Variants in DHDH observed in about 807,000 individuals in gnomAD.
DHDH encodes dihydrodiol dehydrogenase.
In DHDH, 29 loss-of-function variants were observed where a neutral mutation model predicts 33.2. The ratio of observed to expected loss-of-function variants is 0.87; its 90% CI spans 0.65 to 1.19. DHDH has a LOEUF of 1.19. DHDH is among the 50% of genes most tolerant of loss of function. DHDH has a pLI of 0.00. For synonymous variants in DHDH, 201 were observed against 187.9 expected, an observed-to-expected ratio of 1.07 and a Z score of -0.57; for missense variants, 431 against 455.0, an observed-to-expected ratio of 0.95 and a Z score of 0.48.
chr19:48,936,135 C>G lies in DHDH; in HGVS notation c.306C>G (p.Asn102Lys), dbSNP rs1353640002. Residue 102 changes from asparagine (N) to lysine (K), a missense_variant, in exon 3 of 7, where the codon AAC becomes AAG. Coordinates refer to ENST00000221403, the MANE Select transcript of DHDH (RefSeq NM_014475.4). The part of the protein sequence containing the change: ...AVLCEKPTGV[N>K]AAEVREMVAE... ...TGTGCGAGAAGCCCACGGGCGTGAA[C>G]GCGGCGGAAGTTCGCGAGATGGTCG... 6.2e-7 allele frequency: 1 copy of G among 1,610,100 alleles called. No individual in the cohort carries two copies. Among genetic ancestry groups the G allele is most frequent in the African/African-American group, 1.3e-5 (1 of 75,034 alleles).
At chr19:48,935,510 G>C (rs2037759286) in intron 2 of DHDH, among the ~76,000 whole-genome samples, 2 of 149,442 alleles carry the variant, frequency 1.3e-5, no homozygotes, top group Non-Finnish European at 3.0e-5. Flanking sequence ...GACAGAGTGA[G>C]ACTTGGTCTT....
chr19:48,942,145 C>T (rs1257044870), intron 4 of DHDH, among the ~76,000 whole-genome samples: 1 of 151,952 alleles, frequency 6.6e-6, no homozygotes, highest in African/African-American at 2.4e-5. Context: ...GTAGCTGGGA[C>T]GACAGGACTA....
chr19:48,933,645 C>T, upstream of DHDH: 2 of 1,432,472 alleles, frequency 1.4e-6, no homozygotes, highest in Non-Finnish European at 2.0e-6. Context: ...GGGACCCGCC[C>T]CCGGGGTGGG....
chr19:48,941,870 A>G (rs542799630), intron 4 of DHDH, among the ~76,000 whole-genome samples: 6 of 150,220 alleles, frequency 4.0e-5, no homozygotes, highest in African/African-American at 1.5e-4. Flanking sequence ...ACAAGGTCTC[A>G]CTATGTTGCC....
At chr19:48,933,642 GC>G, upstream of DHDH, 2 of 1,396,136 alleles carry the variant, frequency 1.4e-6, no homozygotes. Context: ...ATGGGGACCC[GC>G]CCCCGGGGTG....
intron 4 of DHDH, among the ~76,000 whole-genome samples, chr19:48,940,699 CA>C (rs146253861): frequency 7.1e-4 from 108 of 151,888 alleles, no homozygotes; most frequent in African/African-American, 2.5e-3. Flanking sequence ...ACGAAAAGTG[CA>C]AAAAAAATTA....
intron 3 of DHDH, among the ~76,000 whole-genome samples, chr19:48,939,125 G>A (rs1428560377): frequency 6.6e-6 from 1 of 151,944 alleles, no homozygotes; most frequent in East Asian, 1.9e-4. Flanking sequence ...GGGGAGACTG[G>A]GGCAATGGTC....
At chr19:48,941,387 T>A (rs1051435406) in intron 4 of DHDH, among the ~76,000 whole-genome samples, 3 of 152,004 alleles carry the variant, frequency 2.0e-5, no homozygotes, top group Non-Finnish European at 4.4e-5. Flanking sequence ...AGACTGTAAT[T>A]TTTGTTTTTT....
chr19:48,944,149 T>C (rs887487435), intron 5 of DHDH, among the ~76,000 whole-genome samples: 9 of 152,056 alleles, frequency 5.9e-5, no homozygotes, highest in Admixed American at 3.3e-4. Context: ...ACAGACAGGA[T>C]TTTTGTGTCA....
chr19:48,935,945 T>G, intron 2 of DHDH, 87 bp from the exon 3 acceptor site: 1 of 1,520,712 alleles, frequency 6.6e-7, no homozygotes, highest in Non-Finnish European at 8.9e-7. Context: ...GGTCCCTGGG[T>G]GCTAGGGCGG....
chr19:48,937,801 A>G (rs1341685029), intron 3 of DHDH, among the ~76,000 whole-genome samples: 1 of 134,718 alleles, frequency 7.4e-6, no homozygotes, highest in Non-Finnish European at 1.5e-5. Context: ...GACAAGAGCG[A>G]GACTGTCTTT....
At chr19:48,939,977 G>C (rs992688467) in intron 4 of DHDH, among the ~76,000 whole-genome samples, 1 of 152,156 alleles carries the variant, frequency 6.6e-6, no homozygotes, top group African/African-American at 2.4e-5. Context: ...AGTTAATGAA[G>C]TAACTGCTGA....
At chr19:48,937,505 G>C (rs950188598) in intron 3 of DHDH, among the ~76,000 whole-genome samples, 1 of 151,426 alleles carries the variant, frequency 6.6e-6, no homozygotes, top group Non-Finnish European at 1.5e-5. Flanking sequence ...GCGAAACTCC[G>C]TCTCTACTAA....
At chr19:48,935,642 C>T (rs2037761229) in intron 2 of DHDH, among the ~76,000 whole-genome samples, 1 of 151,704 alleles carries the variant, frequency 6.6e-6, no homozygotes, top group African/African-American at 2.4e-5. Flanking sequence ...ACGGTGAAAC[C>T]GCATCTCCAC....
intron 4 of DHDH, among the ~76,000 whole-genome samples, 195 bp downstream of exon 4, chr19:48,939,896 G>A (rs1021943493): frequency 6.6e-6 from 1 of 152,148 alleles, no homozygotes; most frequent in Non-Finnish European, 1.5e-5. Context: ...TGTGATCTTA[G>A]CCAGCAGACT....
chr19:48,942,594 A>T (rs1408037893), intron 5 of DHDH, 30 bp downstream of exon 5: 16 of 1,599,754 alleles, frequency 1.0e-5, no homozygotes, highest in Non-Finnish European at 1.4e-5. Context: ...AGCGCTGGGG[A>T]TCGTGCCCCT....
At chr19:48,934,411 G>T (rs1484898446) in intron 1 of DHDH, among the ~76,000 whole-genome samples, 2 of 152,180 alleles carry the variant, frequency 1.3e-5, no homozygotes, top group African/African-American at 4.8e-5. Context: ...CTGAGGAGGA[G>T]TAGTGAAAGA....
At position 48,939,557 on chromosome 19, in the gene DHDH, A is replaced by T. The variant is rs1376486937; in HGVS notation, c.475A>T (p.Ile159Phe). 1.9e-6 allele frequency: 3 copies of T among 1,613,106 alleles called. No homozygotes were observed. Among genetic ancestry groups the T allele is most frequent in the Non-Finnish European group, 2.5e-6 (3 of 1,179,524 alleles). ...VARAEFGKNLIHVPRAVDRAQ... is the reference protein window; with the variant it reads ...VARAEFGKNLFHVPRAVDRAQ... ...TCGGGCAGAATTTGGGAAGAATCTC[A>T]TCCACGTTCCCCGGGCCGTAGACCG... Residue 159 changes from isoleucine (I) to phenylalanine (F), a missense_variant, in exon 4 of 7, where the codon ATC (isoleucine) becomes TTC (phenylalanine). By Grantham distance (21) the Ile-to-Phe change is conservative. Transcript: ENST00000221403.
intron 5 of DHDH, among the ~76,000 whole-genome samples, chr19:48,943,385 G>GAA (rs56853050): frequency 2.1e-5 from 3 of 145,790 alleles, no homozygotes; most frequent in East Asian, 4.0e-4. Flanking sequence ...CTTGTTGCTA[G>GAA]AAAAAAAAAA....
Sources: allele counts gnomAD v4.1 joint callset (sites outside exome capture counted in the v4.1 genomes callset), GRCh38; gene constraint gnomAD v4.1.1; transcripts MANE v1.5; gene names NCBI Gene and HGNC (gene_info 2026-07-23, HGNC 2026-07-21).